The following SEC24B variants were observed in gnomAD, a reference collection of about 807,000 sequenced individuals.
SEC24B encodes SEC24 homolog B, COPII component.
In SEC24B, 45 loss-of-function variants were observed where a neutral mutation model predicts 142.8. The observed-to-expected ratio is 0.32, with a 90% CI of 0.25 to 0.40. SEC24B has a LOEUF of 0.40. Ranked by LOEUF, SEC24B falls within the 10% of genes least tolerant of loss-of-function variation. The pLI is 1.00. For missense variants in SEC24B, 1,409 were observed against 1,526.8 expected (o/e 0.92, Z 1.29); for synonymous variants, 574 against 568.2 (o/e 1.01, Z -0.15).
intron 21 of SEC24B, among the ~76,000 whole-genome samples, chr4:109,533,287 A>G (rs1019894251): frequency 6.6e-6 from 1 of 152,226 alleles, no homozygotes; most frequent in African/African-American, 2.4e-5. Context: ...GTGAAAATAC[A>G]CAGACAGTAA....
chr4:109,523,819 T>A (rs962501403), intron 14 of SEC24B, among the ~76,000 whole-genome samples: 1 of 152,106 alleles, frequency 6.6e-6, no homozygotes, highest in Non-Finnish European at 1.5e-5. Context: ...TTTATTTGGG[T>A]TTTTTAATCA....
chr4:109,517,902 A>G (rs1415892006), intron 11 of SEC24B, among the ~76,000 whole-genome samples: 2 of 152,124 alleles, frequency 1.3e-5, no homozygotes, highest in Non-Finnish European at 2.9e-5. Flanking sequence ...ATTTTGTGCT[A>G]AATATGTTAG....
chr4:109,445,330 G>A (rs1353344153), intron 1 of SEC24B, among the ~76,000 whole-genome samples: 3 of 129,718 alleles, frequency 2.3e-5, no homozygotes, highest in Non-Finnish European at 3.1e-5. Context: ...TGCAAGCTCC[G>A]CCTCCCAGCT....
intron 3 of SEC24B, among the ~76,000 whole-genome samples, chr4:109,480,585 A>G (rs2125981702): frequency 6.6e-6 from 1 of 152,178 alleles, no homozygotes; most frequent in South Asian, 2.1e-4. Flanking sequence ...AGCAGAGGCG[A>G]TTCTCCTGCC....
intron 6 of SEC24B, among the ~76,000 whole-genome samples, chr4:109,502,265 G>A (rs1487256134): frequency 1.3e-5 from 2 of 152,218 alleles, no homozygotes; most frequent in African/African-American, 2.4e-5. Context: ...AAGGACCACA[G>A]TCAGAAGCTT....
At position 109,510,119 on chromosome 4, in the gene SEC24B, A is replaced by G; in HGVS notation, c.1776+8A>G. On this transcript the variant is annotated splice_region_variant and intron_variant, in intron 8 of 23. Transcript: ENST00000265175. ...CCCTTCAGAGACCTAACGGTAAAGTAACATTTTATAATATTTATGGGTACT... is the reference window on the plus strand; with the variant it reads ...CCCTTCAGAGACCTAACGGTAAAGTGACATTTTATAATATTTATGGGTACT... The G allele has an allele frequency of 6.7e-7, 1 of 1,490,460 alleles. No individual in the cohort carries two copies. The highest frequency in any genetic ancestry group is 9.3e-7 in the Non-Finnish European group (1 of 1,080,636). The allele number at this position is 1,490,460 out of a possible 1,614,324, so 92.3% of individuals were successfully genotyped here. A position where few individuals can be genotyped will look rare whatever the true frequency, so the allele number is the denominator to read the frequency against.
At chr4:109,498,600 G>A (rs1444202881) in intron 6 of SEC24B, among the ~76,000 whole-genome samples, 4 of 152,114 alleles carry the variant, frequency 2.6e-5, no homozygotes, top group Non-Finnish European at 2.9e-5. Flanking sequence ...TCCTGACCTC[G>A]TTATCTGCCC....
At chr4:109,520,536 G>T in intron 12 of SEC24B, 52 bp downstream of exon 12, 1 of 1,035,856 alleles carries the variant, frequency 9.7e-7, no homozygotes, top group Non-Finnish European at 1.5e-6. Context: ...TTGAAATGGG[G>T]GCTACTTTAT....
intron 22 of SEC24B, among the ~76,000 whole-genome samples, chr4:109,537,083 G>T (rs1423824392): frequency 6.6e-6 from 1 of 151,852 alleles, no homozygotes; most frequent in South Asian, 2.1e-4. Context: ...GCCTCCTCCA[G>T]ACAAAACTGG....
chr4:109,468,599 A>G (rs1254735248), intron 2 of SEC24B, among the ~76,000 whole-genome samples: 4 of 152,226 alleles, frequency 2.6e-5, no homozygotes, highest in Non-Finnish European at 2.9e-5. Context: ...TTCTGTGAAC[A>G]GTGTAGTAGA....
chr4:109,483,270 G>A (rs1023759993), intron 4 of SEC24B, among the ~76,000 whole-genome samples: 1 of 151,208 alleles, frequency 6.6e-6, no homozygotes, highest in African/African-American at 2.4e-5. Context: ...TAGTAGAGAT[G>A]GGGTTTCACT....
At chr4:109,509,678 GAAAAAAAAAAAA>G (rs1020221678) in intron 7 of SEC24B, among the ~76,000 whole-genome samples, 2 of 46,388 alleles carry the variant, frequency 4.3e-5, no homozygotes, top group Non-Finnish European at 1.2e-4. Flanking sequence ...CTCCATCTCA[GAAAAAAAAAAAA>G]AAAAAAAAAA....
intron 5 of SEC24B, among the ~76,000 whole-genome samples, chr4:109,494,258 C>G (rs1735306460): frequency 6.6e-6 from 1 of 151,910 alleles, no homozygotes; most frequent in Non-Finnish European, 1.5e-5. Context: ...TGTTCAAGAC[C>G]AGCCTAGGCA....
intron 18 of SEC24B, among the ~76,000 whole-genome samples, chr4:109,528,188 A>T (rs954088769): frequency 9.9e-5 from 15 of 152,038 alleles, no homozygotes; most frequent in African/African-American, 3.6e-4. Context: ...TGGGAAGCTG[A>T]AGTGGGCGGA....
At chr4:109,513,436 A>T (rs1737591840) in intron 9 of SEC24B, among the ~76,000 whole-genome samples, 1 of 151,634 alleles carries the variant, frequency 6.6e-6, no homozygotes, top group Non-Finnish European at 1.5e-5. Flanking sequence ...GGCGCACACC[A>T]CTATGCCTGG....
intron 1 of SEC24B, among the ~76,000 whole-genome samples, chr4:109,454,046 CAG>C (rs1288391658): frequency 1.3e-5 from 2 of 152,078 alleles, no homozygotes; most frequent in Non-Finnish European, 1.5e-5. Flanking sequence ...TTAGTAGAGA[CAG>C]GGTTTCTCCA....
In SEC24B at chr4:109,532,700, A is replaced by G. The variant is rs1211333949; in HGVS notation, c.3452A>G (p.Glu1151Gly). ...PQPPLQKLSA[E>G]KLTREGAFLM... ...CCACCTCTTCAAAAATTGTCTGCAGAGAAGCTGACAAGAGAAGGTGCTTTC... is the reference window on the plus strand; with the variant it reads ...CCACCTCTTCAAAAATTGTCTGCAGGGAAGCTGACAAGAGAAGGTGCTTTC... Residue 1151 changes from glutamate to glycine, a missense_variant, in exon 21 of 24, where the codon GAG (glutamate) becomes GGG (glycine). By Grantham distance (98) the Glu-to-Gly change is moderately conservative. Transcript: ENST00000265175. 1.2e-6 allele frequency: 2 copies of G among 1,610,686 alleles called. No individual in the cohort carries two copies. The highest frequency in any genetic ancestry group is 1.7e-6 in the Non-Finnish European group (2 of 1,176,806).
At chr4:109,528,624 A>G (rs1342053476) in intron 18 of SEC24B, among the ~76,000 whole-genome samples, 1 of 152,136 alleles carries the variant, frequency 6.6e-6, no homozygotes, top group East Asian at 1.9e-4. Flanking sequence ...TTACATGGCT[A>G]TGCATTTGAC....
At chr4:109,508,581 T>A (rs1317647694) in intron 7 of SEC24B, among the ~76,000 whole-genome samples, 1 of 151,578 alleles carries the variant, frequency 6.6e-6, no homozygotes, top group Admixed American at 6.6e-5. Context: ...AAATAAAAAA[T>A]TATTAAAAAA....
Sources: allele counts gnomAD v4.1 joint callset (sites outside exome capture counted in the v4.1 genomes callset), GRCh38; gene constraint gnomAD v4.1.1; transcripts MANE v1.5; gene names NCBI Gene and HGNC (gene_info 2026-07-23, HGNC 2026-07-21).